The following THADA variants were observed in gnomAD, a reference collection of about 807,000 sequenced individuals.
THADA encodes the protein THADA armadillo repeat containing.
THADA carries 213 observed loss-of-function variants against 219.8 expected under a neutral mutation model. The ratio of observed to expected loss-of-function variants is 0.97; its 90% CI spans 0.87 to 1.09. THADA has a LOEUF of 1.09. Among genes scored for constraint, THADA ranks in the 50% least tolerant of loss-of-function variants. The pLI is 0.00. For missense variants in THADA, 2,956 were observed against 2,311.3 expected (o/e 1.28, Z -5.72); for synonymous variants, 1,018 against 828.9 (o/e 1.23, Z -3.92).
intron 26 of THADA, among the ~76,000 whole-genome samples, chr2:43,442,866 T>C (rs1321556244): frequency 2.6e-5 from 4 of 152,172 alleles, no homozygotes; most frequent in Non-Finnish European, 5.9e-5. Context: ...GCAAATATTG[T>C]ACTTTCTGCC....
In THADA at chr2:43,332,433, T is replaced by C. The variant is rs1336368665; in HGVS notation, c.4343+11689A>G. 3.3e-5 allele frequency among the ~76,000 whole-genome samples: 5 copies of C among 152,244 alleles called. No homozygotes were observed. The East Asian group carries it at 9.6e-4, about 29-fold the overall frequency. On this transcript the variant is annotated intron_variant, in intron 30 of 37. Transcript: ENST00000405975. ...TGTTTATAGTTATTTAAATCCATACTTGTCTTACTTGTGGGGTTTCTGAAA... is the reference window on the plus strand; with the variant it reads ...TGTTTATAGTTATTTAAATCCATACCTGTCTTACTTGTGGGGTTTCTGAAA...
At chr2:43,446,656 A>G (rs1681597627) in intron 26 of THADA, among the ~76,000 whole-genome samples, 1 of 152,246 alleles carries the variant, frequency 6.6e-6, no homozygotes, top group African/African-American at 2.4e-5. Flanking sequence ...GAGAAATGAT[A>G]AATTGTTAAG....
chr2:43,443,969 G>C (rs975035372), intron 26 of THADA, among the ~76,000 whole-genome samples: 1 of 152,032 alleles, frequency 6.6e-6, no homozygotes, highest in African/African-American at 2.4e-5. Flanking sequence ...CCACAGCCAG[G>C]GCCTGGACAA....
At chr2:43,231,570 C>G (rs548019051) in intron 37 of THADA, among the ~76,000 whole-genome samples, 1 of 152,280 alleles carries the variant, frequency 6.6e-6, no homozygotes, top group African/African-American at 2.4e-5. Flanking sequence ...ATTTTTTCCC[C>G]AGACTTAACA....
rs76370273 is a variant in THADA at position 43,305,831 on chromosome 2, T to C, written c.4439-12618A>G. 4.6e-5 allele frequency among the ~76,000 whole-genome samples: 7 copies of C among 152,266 alleles called. No homozygotes were observed. In the East Asian group the frequency reaches 1.4e-3, roughly 29 times the overall value. On this transcript the variant is annotated intron_variant, in intron 31 of 37. Transcript: ENST00000405975. Reference sequence around the variant, plus strand: ...TCCAGAACTACTGTGGATAAACACATGACAACCCAAAGACACAAACATAGT... The same window carrying C: ...TCCAGAACTACTGTGGATAAACACACGACAACCCAAAGACACAAACATAGT...
At chr2:43,398,995 G>C (rs1271199626) in intron 28 of THADA, among the ~76,000 whole-genome samples, 1 of 152,242 alleles carries the variant, frequency 6.6e-6, no homozygotes, top group East Asian at 1.9e-4. Flanking sequence ...ATTCTAGAAA[G>C]GTCATTGTAA....
intron 15 of THADA, chr2:43,563,207 C>G: frequency 6.6e-6 from 1 of 152,356 alleles, no homozygotes; most frequent in East Asian, 1.9e-4. Context: ...CCTATAAGCA[C>G]AGCTTTTGCT....
chr2:43,441,298 G>C (rs1680812195), intron 26 of THADA, among the ~76,000 whole-genome samples: 1 of 152,156 alleles, frequency 6.6e-6, no homozygotes, highest in Non-Finnish European at 1.5e-5. Flanking sequence ...TCAGCTAAAA[G>C]GCCAGAGTTC....
intron 35 of THADA, among the ~76,000 whole-genome samples, chr2:43,282,694 C>T (rs531608753): frequency 6.6e-6 from 1 of 152,242 alleles, no homozygotes; most frequent in East Asian, 1.9e-4. Context: ...TTTTATTAAA[C>T]CCTATGCTTA....
chr2:43,392,381 G>C (rs1673495715), intron 29 of THADA, among the ~76,000 whole-genome samples: 1 of 152,166 alleles, frequency 6.6e-6, no homozygotes, highest in East Asian at 1.9e-4. Flanking sequence ...AACTCCAGTA[G>C]AGTTGACACT....
chr2:43,239,761 G>A (rs571804727), intron 36 of THADA, among the ~76,000 whole-genome samples: 3 of 152,332 alleles, frequency 2.0e-5, no homozygotes, highest in South Asian at 4.1e-4. Context: ...CCTAGCTCTG[G>A]AGAATCCTCC....
chr2:43,543,925 T>G (rs529358949), intron 20 of THADA, among the ~76,000 whole-genome samples: 1 of 152,184 alleles, frequency 6.6e-6, no homozygotes, highest in South Asian at 2.1e-4. Context: ...CTTTTGGTGT[T>G]TTAGACATGA....
intron 35 of THADA, among the ~76,000 whole-genome samples, chr2:43,282,874 T>C (rs188593846): frequency 2.0e-5 from 3 of 152,326 alleles, no homozygotes; most frequent in East Asian, 1.9e-4. Context: ...GACATGGACG[T>C]GTACAACATG....
intron 29 of THADA, among the ~76,000 whole-genome samples, chr2:43,360,442 T>C (rs891525987): frequency 2.0e-5 from 3 of 152,232 alleles, no homozygotes; most frequent in African/African-American, 7.2e-5. Flanking sequence ...GACCAATGAC[T>C]ACAGGTCCTC....
intron 32 of THADA, 149 bp downstream of exon 32, chr2:43,292,683 AAG>A: frequency 3.2e-6 from 3 of 950,624 alleles, no homozygotes; most frequent in Non-Finnish European, 4.6e-6. Flanking sequence ...CCACCATAAA[AAG>A]AGAGTCCTTA....
Position 43,560,276 on chromosome 2 carries a change from A to T in THADA, c.2421T>A (p.Phe807Leu), listed in dbSNP as rs781133228. The T allele has an allele frequency of 7.4e-6, 12 of 1,612,508 alleles. No individual in the cohort carries two copies. The South Asian group carries it at 1.3e-4, about 18-fold the overall frequency. The change falls in exon 16 of 38, where the codon TTT becomes TTA. Residue 807 changes from phenylalanine (F) to leucine (L), a missense_variant. Coordinates refer to ENST00000405975, the MANE Select transcript of THADA (RefSeq NM_022065.5). Reference sequence around the variant, plus strand: ...TTTTTGATAACTTCATCAGAAGATCAAATGCTAAAATTTTCACGTCTTCAA... The same window carrying T: ...TTTTTGATAACTTCATCAGAAGATCTAATGCTAAAATTTTCACGTCTTCAA... ...STFEDVKILA[F>L]DLLMKLSKTA...
chr2:43,534,432 T>C (rs1461240907), intron 21 of THADA, among the ~76,000 whole-genome samples: 2 of 152,202 alleles, frequency 1.3e-5, no homozygotes, highest in Non-Finnish European at 2.9e-5. Context: ...TTATTCTTCC[T>C]ATGTAGCTGT....
At chr2:43,402,929 C>G (rs975303185) in intron 28 of THADA, among the ~76,000 whole-genome samples, 1 of 152,176 alleles carries the variant, frequency 6.6e-6, no homozygotes, top group Non-Finnish European at 1.5e-5. Flanking sequence ...CTGTGCCTTT[C>G]CCTGTGTGAA....
chr2:43,399,715 C>CAACTCATCCTGGACAGTTCCCAA (rs1558698624), intron 28 of THADA, among the ~76,000 whole-genome samples: 13 of 152,236 alleles, frequency 8.5e-5, no homozygotes, highest in Admixed American at 8.5e-4. Context: ...ACAGTTCCCA[C>CAACTCATCCTGGACAGTTCCCAA]AACTCATCCT....
Sources: gnomAD v4.1 joint callset for allele counts (sites outside exome capture counted in the v4.1 genomes callset) on GRCh38, gnomAD v4.1.1 for gene constraint, MANE v1.5 for transcripts, NCBI Gene and HGNC (gene_info 2026-07-23, HGNC 2026-07-21) for gene names.